The following PIKFYVE variants were observed in gnomAD, a reference collection of about 807,000 sequenced individuals.
The protein encoded by PIKFYVE is phosphoinositide kinase, FYVE-type zinc finger containing.
In PIKFYVE, 122 loss-of-function variants were observed where a neutral mutation model predicts 257.9. The observed-to-expected ratio is 0.47, with a 90% CI of 0.41 to 0.55. The LOEUF is 0.55. PIKFYVE is among the 20% of genes least tolerant of loss of function. The pLI is 0.00. For missense variants in PIKFYVE, 2,160 were observed against 2,536.6 expected (o/e 0.85, Z 3.19); for synonymous variants, 892 against 868.9 (o/e 1.03, Z -0.47).
intron 20 of PIKFYVE, among the ~76,000 whole-genome samples, chr2:208,326,750 A>T (rs1350739554): frequency 6.6e-6 from 1 of 152,176 alleles, no homozygotes; most frequent in East Asian, 1.9e-4. Flanking sequence ...ATAATCCTGG[A>T]TCCTTGTGTC....
chr2:208,269,873 A>AT, intron 1 of PIKFYVE: 1 of 296,724 alleles, frequency 3.4e-6, no homozygotes, highest in South Asian at 4.2e-5. Flanking sequence ...TCTTGGCTGG[A>AT]GGGGCCCATG....
At position 208,349,275 on chromosome 2, in the gene PIKFYVE, GGAAGGC is replaced by G. The variant is rs1699537787; in HGVS notation, c.5375-748_5375-743del. Among the ~76,000 whole-genome samples, 11 of 152,100 alleles carry G rather than the reference GGAAGGC, an allele frequency of 7.2e-5. No homozygotes were observed. In the Middle Eastern group the frequency reaches 0.01, roughly 141 times the overall value. On this transcript the variant is annotated intron_variant, in intron 35 of 41. Coordinates refer to ENST00000264380, the MANE Select transcript of PIKFYVE (RefSeq NM_015040.4). ...TGTAGCTGTTTATAATGGGATCCTT[GGAAGGC>G]ATAGATGCTTCAAAAATTATTTTGA... is the stretch of plus-strand genomic sequence containing the variant.
At chr2:208,349,367 A>G (rs1699546491) in intron 35 of PIKFYVE, among the ~76,000 whole-genome samples, 2 of 151,922 alleles carry the variant, frequency 1.3e-5, no homozygotes, top group African/African-American at 4.8e-5. Context: ...TAAATCTCTA[A>G]TAATTAAACA....
rs749635187 is a variant in PIKFYVE, at chr2:208,326,399, T to G, written c.3588T>G (p.Leu1196=). 2 of 1,614,096 alleles carry G rather than the reference T, an allele frequency of 1.2e-6. No homozygotes were observed. Among genetic ancestry groups the G allele is most frequent in the South Asian group, 2.2e-5 (2 of 91,084 alleles). Residue 1196 remains leucine, a synonymous_variant, in exon 20 of 42, where the codon CTT becomes CTG. Transcript: ENST00000264380. ...SKNEGDEERG[L]ILSDAVWSTK... is the part of the protein sequence containing the mutation. ...ATGAGGGTGATGAAGAGAGAGGGCT[T>G]ATTCTGAGTGATGCTGTGTGGTCAA...
chr2:208,304,987 T>G lies in PIKFYVE; in HGVS notation c.1610T>G (p.Val537Gly). ...AAGAAGCCCTCCAAGTACCCACATG[T>G]GCCCCCTCACCCTGCTGACCAAAAA... ...HIKKPSKYPH[V>G]PPHPADQKEY... The change falls in exon 12 of 42, where the codon GTG becomes GGG. Residue 537 changes from valine to glycine, a missense_variant. Physicochemically the swap from Val to Gly is moderately radical, Grantham distance 109. This residue lies in a region of PIKFYVE where 346 missense variants were observed against 365.6 expected (regional missense o/e 0.95). Coordinates refer to ENST00000264380, the MANE Select transcript of PIKFYVE (RefSeq NM_015040.4). 6.2e-7 allele frequency: 1 copy of G among 1,614,136 alleles called. No homozygotes were observed. Among genetic ancestry groups the G allele is most frequent in the Non-Finnish European group, 8.5e-7 (1 of 1,180,012 alleles).
Position 208,355,427 on chromosome 2 carries a change from TCTGTGG to T in PIKFYVE, c.*127_*132del. 2 of 802,348 alleles carry T rather than the reference TCTGTGG, an allele frequency of 2.5e-6. No homozygotes were observed. The highest frequency in any genetic ancestry group is 4.5e-5 in the Admixed American group (2 of 44,596). The allele number at this position is 802,348 out of a possible 1,614,324, so 49.7% of individuals were successfully genotyped here. ...CCACTGTATGCCAAGGCTTTTCAGT[TCTGTGG>T]CTGTTTAGACTGTCCGTAATGGAAT... On this transcript the variant is annotated 3_prime_UTR_variant, in exon 42 of 42. Transcript: ENST00000264380.
At chr2:208,271,433 A>G (rs535732233) in intron 1 of PIKFYVE, 78 bp from the exon 2 acceptor site, 4 of 1,324,304 alleles carry the variant, frequency 3.0e-6, no homozygotes, top group Admixed American at 1.7e-5. Flanking sequence ...GATTTTCTGG[A>G]TATTTCGATG....
chr2:208,333,630 G>C, intron 24 of PIKFYVE, 137 bp downstream of exon 24: 2 of 919,830 alleles, frequency 2.2e-6, no homozygotes, highest in Non-Finnish European at 1.7e-6. Context: ...CAGAGGACCA[G>C]ACTGTATTAA....
rs1222914829 is a variant in PIKFYVE at position 208,356,029 on chromosome 2, ATATAT to A, written c.*727_*731del. 1 of 152,492 alleles carries A rather than the reference ATATAT, an allele frequency of 6.6e-6. No individual in the cohort carries two copies. Among genetic ancestry groups the A allele is most frequent in the Middle Eastern group, 3.2e-3 (1 of 316 alleles). 9.4% of individuals were successfully genotyped at this position (152,492 alleles called of 1,614,324 possible). A position where few individuals can be genotyped will look rare whatever the true frequency, so the allele number is the denominator to read the frequency against. ...CTTGTTTAAAATTTTTGTGCAATTC[ATATAT>A]TAAATTGCACTTACTTGCATACGCT... is the stretch of plus-strand genomic sequence containing the variant. On this transcript the variant is annotated 3_prime_UTR_variant, in exon 42 of 42. Transcript: ENST00000264380.
At chr2:208,268,702 T>G (rs999974749) in intron 1 of PIKFYVE, among the ~76,000 whole-genome samples, 4 of 152,054 alleles carry the variant, frequency 2.6e-5, no homozygotes, top group African/African-American at 7.3e-5. Flanking sequence ...TGTTGATGAT[T>G]ATTCTCAGTG....
chr2:208,324,166 G>A lies in PIKFYVE; in HGVS notation c.2215G>A (p.Val739Ile), dbSNP rs550817866. Residue 739 changes from valine (V) to isoleucine (I), a missense_variant, in exon 18 of 42, where the codon GTC becomes ATC. Val to Ile is a conservative substitution (Grantham distance 29, BLOSUM62 3). Transcript: ENST00000264380. ...LQEREFLKNY[V>I]QRIVDVRPTL... ...GGAAAGGGAATTCTTGAAGAATTAT[G>A]TCCAGCGAATAGTTGATGTTCGACC... 6.2e-7 allele frequency: 1 copy of A among 1,613,770 alleles called. No individual in the cohort carries two copies. Among genetic ancestry groups the A allele is most frequent in the South Asian group, 1.1e-5 (1 of 91,072 alleles).
At position 208,311,304 on chromosome 2, in the gene PIKFYVE, G is replaced by A. The variant is rs972225466; in HGVS notation, c.1637-932G>A. 2.6e-5 allele frequency among the ~76,000 whole-genome samples: 4 copies of A among 152,060 alleles called. No homozygotes were observed. In the East Asian group the frequency reaches 5.8e-4, roughly 22 times the overall value. On this transcript the variant is annotated intron_variant, in intron 12 of 41. Coordinates refer to ENST00000264380, the MANE Select transcript of PIKFYVE (RefSeq NM_015040.4). ...TAACATCTATCTTGCCCACATACTCGATTTTATTGTATTTGGCATAGTGCA... is the reference window on the plus strand; with the variant it reads ...TAACATCTATCTTGCCCACATACTCAATTTTATTGTATTTGGCATAGTGCA...
At chr2:208,338,731 A>G (rs890765367) in intron 29 of PIKFYVE, among the ~76,000 whole-genome samples, 163 bp downstream of exon 29, 4 of 152,226 alleles carry the variant, frequency 2.6e-5, no homozygotes, top group African/African-American at 9.6e-5. Context: ...AGATTATCAT[A>G]TAGTGTATTG....
chr2:208,326,423 A>C lies in PIKFYVE; in HGVS notation c.3612A>C (p.Ser1204=), dbSNP rs1161830782. The part of the protein sequence containing the change: ...RGLILSDAVW[S]TKVDCLNPIN... Reference sequence around the variant, plus strand: ...TTATTCTGAGTGATGCTGTGTGGTCAACAAAGGTGAGCCAGACCACTTTCT... The same window carrying C: ...TTATTCTGAGTGATGCTGTGTGGTCCACAAAGGTGAGCCAGACCACTTTCT... Residue 1204 remains serine, a synonymous_variant, in exon 20 of 42, where the codon TCA becomes TCC. Coordinates refer to ENST00000264380, the MANE Select transcript of PIKFYVE (RefSeq NM_015040.4). The C allele has an allele frequency of 6.2e-7, 1 of 1,614,020 alleles. No individual in the cohort carries two copies. Among genetic ancestry groups the C allele is most frequent in the Non-Finnish European group, 8.5e-7 (1 of 1,179,924 alleles).
chr2:208,312,322 A>T (rs1450736844), intron 13 of PIKFYVE, 27 bp downstream of exon 13: 1 of 1,555,526 alleles, frequency 6.4e-7, no homozygotes, highest in African/African-American at 1.4e-5. Flanking sequence ...CTGTATGTGG[A>T]ATGGTGTCTC....
chr2:208,347,760 A>T lies in PIKFYVE; in HGVS notation c.5210-99A>T. On this transcript the variant is annotated intron_variant, in intron 34 of 41. Transcript: ENST00000264380. ...TGCATTACTCAGATTGATTAGCTTC[A>T]TATAGTGGTTACAACTAACAAAGAA... The T allele has an allele frequency of 6.0e-6, 6 of 1,000,978 alleles. No individual in the cohort carries two copies. The East Asian group carries it at 1.6e-4, about 26-fold the overall frequency. 62.0% of individuals were successfully genotyped at this position (1,000,978 alleles called of 1,614,324 possible). A position where few individuals can be genotyped will look rare whatever the true frequency, so the allele number is the denominator to read the frequency against.
rs1435887410 is a variant in PIKFYVE, at chr2:208,285,627, A to C, written c.614-99A>C. 3 of 941,312 alleles carry C rather than the reference A, an allele frequency of 3.2e-6. No homozygotes were observed. The African/African-American group carries it at 4.9e-5, about 15-fold the overall frequency. The allele number at this position is 941,312 out of a possible 1,614,324, so 58.3% of individuals were successfully genotyped here. On this transcript the variant is annotated intron_variant, in intron 5 of 41. Transcript: ENST00000264380. ...TGAAGACATTTCCGTTATTAGATGAACTGTTGACCCAAGGAGTTAAAAAAG... is the reference window on the plus strand; with the variant it reads ...TGAAGACATTTCCGTTATTAGATGACCTGTTGACCCAAGGAGTTAAAAAAG...
chr2:208,318,090 G>A, intron 16 of PIKFYVE, 149 bp downstream of exon 16: 1 of 795,422 alleles, frequency 1.3e-6, no homozygotes, highest in South Asian at 1.4e-5. Flanking sequence ...GGTTGGTTCA[G>A]GGAAGATTTC....
chr2:208,273,859 A>G, intron 3 of PIKFYVE, 126 bp downstream of exon 3: 2 of 1,392,334 alleles, frequency 1.4e-6, no homozygotes. Context: ...TACTATTTGA[A>G]ATAGTCAGGT....
Sources: gnomAD v4.1 joint callset for allele counts (sites outside exome capture counted in the v4.1 genomes callset) on GRCh38, gnomAD v4.1.1 for gene constraint, gnomAD v4.1.1 regional missense constraint, MANE v1.5 for transcripts, NCBI Gene and HGNC (gene_info 2026-07-23, HGNC 2026-07-21) for gene names.